Variants in PPP2R2C observed in about 807,000 individuals in gnomAD.
PPP2R2C encodes protein phosphatase 2, regulatory subunit B, gamma.
A neutral mutation model predicts 45.3 loss-of-function variants in PPP2R2C; 10 were observed. That is an observed-to-expected ratio of 0.22 (90% confidence interval 0.14 to 0.37). PPP2R2C has a LOEUF of 0.37. PPP2R2C is among the 10% of genes least tolerant of loss of function. PPP2R2C has a pLI of 1.00. For synonymous variants in PPP2R2C, 257 were observed against 245.4 expected (o/e 1.05, Z -0.44); for missense variants, 308 against 619.7 (o/e 0.50, Z 5.34).
At chr4:6,548,875 G>T (rs1382214772) in intron 1 of PPP2R2C, among the ~76,000 whole-genome samples, 1 of 152,166 alleles carries the variant, frequency 6.6e-6, no homozygotes, top group Admixed American at 6.5e-5. Flanking sequence ...AGGGGGATCT[G>T]AGCCTCGCAC....
At chr4:6,474,846 C>A (rs1722083563), upstream of PPP2R2C, among the ~76,000 whole-genome samples, 1 of 151,694 alleles carries the variant, frequency 6.6e-6, no homozygotes, top group South Asian at 2.1e-4. Context: ...CCCTGCCCAC[C>A]CCCCACCTCC....
intron 1 of PPP2R2C, among the ~76,000 whole-genome samples, chr4:6,399,770 C>G (rs1297774364): frequency 6.6e-6 from 1 of 152,138 alleles, no homozygotes; most frequent in East Asian, 1.9e-4. Context: ...ATTAGGGGTT[C>G]AGGTGAGCTA....
intron 2 of PPP2R2C, among the ~76,000 whole-genome samples, chr4:6,514,524 G>A (rs1307542699): frequency 6.6e-6 from 1 of 151,752 alleles, no homozygotes; most frequent in African/African-American, 2.4e-5. Flanking sequence ...AGGGCCCTTG[G>A]TTTTTGTAGG....
chr4:6,544,219 G>C (rs1724901387), intron 1 of PPP2R2C, among the ~76,000 whole-genome samples: 1 of 152,208 alleles, frequency 6.6e-6, no homozygotes, highest in African/African-American at 2.4e-5. Context: ...CTGGATGGCA[G>C]ACCCCTTGCC....
In PPP2R2C at chr4:6,409,711, TA is replaced by T. The variant is rs1718027385; in HGVS notation, c.71-28618del. On this transcript the variant is annotated intron_variant, in intron 1 of 8. Coordinates refer to ENST00000382599, the MANE Select transcript of PPP2R2C (RefSeq NM_020416.4). The stretch of plus-strand genomic sequence containing the variant: ...CCCCATATCCCAGCCCTGGAGACAC[TA>T]AGGTTGGTCGGGGTTCAGGACTCAC... Among the ~76,000 whole-genome samples the T allele has an allele frequency of 2.6e-5, 4 of 152,230 alleles. No homozygotes were observed. The South Asian group carries it at 8.3e-4, about 32-fold the overall frequency.
chr4:6,529,915 A>T (rs1026268591), intron 2 of PPP2R2C, among the ~76,000 whole-genome samples: 8 of 152,178 alleles, frequency 5.3e-5, no homozygotes, highest in Non-Finnish European at 1.2e-4. Context: ...ACAGCAGCGA[A>T]TGGGAGGAGA....
intron 2 of PPP2R2C, among the ~76,000 whole-genome samples, chr4:6,490,780 G>A (rs1305216481): frequency 1.1e-4 from 17 of 152,190 alleles, no homozygotes; most frequent in Admixed American, 1.1e-3. Context: ...GAGAAGCCGA[G>A]GTTGCAGCCC....
rs1480045419 is a variant in PPP2R2C at position 6,321,052 on chromosome 4, G to A, written c.*2250C>T. 2.0e-5 allele frequency: 3 copies of A among 152,160 alleles called. No individual in the cohort carries two copies. Among genetic ancestry groups the A allele is most frequent in the African/African-American group, 7.2e-5 (3 of 41,418 alleles). 9.4% of individuals were successfully genotyped at this position (152,160 alleles called of 1,614,324 possible). ...CAGAGACATACTTTTCTTCAAAGAA[G>A]ATCTTTTCCTTTCTTTTTTCTTCTT... On this transcript the variant is annotated 3_prime_UTR_variant, in exon 9 of 9. Transcript: ENST00000382599.
chr4:6,433,313 G>T (rs1359332642), intron 1 of PPP2R2C, among the ~76,000 whole-genome samples: 1 of 152,170 alleles, frequency 6.6e-6, no homozygotes, highest in Non-Finnish European at 1.5e-5. Flanking sequence ...GACATATCTG[G>T]ATATTGGCAA....
intron 4 of PPP2R2C, 101 bp downstream of exon 4, chr4:6,375,718 C>A (rs1223845864): frequency 2.9e-6 from 3 of 1,029,740 alleles, no homozygotes; most frequent in Non-Finnish European, 4.4e-6. Context: ...CAACCAGGGT[C>A]TGCACCTGAC....
At chr4:6,355,993 G>GATAAAAAA (rs1713144710) in intron 5 of PPP2R2C, among the ~76,000 whole-genome samples, 2 of 97,904 alleles carry the variant, frequency 2.0e-5, no homozygotes, top group Admixed American at 2.5e-4. Context: ...ACTCTGCCTG[G>GATAAAAAA]AAAAAAAAAA....
chr4:6,462,605 G>A (rs1721384532), intron 1 of PPP2R2C, among the ~76,000 whole-genome samples: 1 of 152,216 alleles, frequency 6.6e-6, no homozygotes, highest in African/African-American at 2.4e-5. Context: ...CAGGACTTTG[G>A]ATCCTGGGCC....
intron 1 of PPP2R2C, among the ~76,000 whole-genome samples, chr4:6,551,190 C>T (rs1343004732): frequency 6.6e-6 from 1 of 152,200 alleles, no homozygotes; most frequent in Non-Finnish European, 1.5e-5. Flanking sequence ...ACCTGCCTTC[C>T]AGGGGGATTG....
intron 1 of PPP2R2C, among the ~76,000 whole-genome samples, chr4:6,470,751 C>T (rs1453846377): frequency 6.6e-6 from 1 of 152,258 alleles, no homozygotes; most frequent in Non-Finnish European, 1.5e-5. Context: ...TCTCAGCTCC[C>T]CGGGCCTCCC....
At chr4:6,420,969 A>C (rs1718921096) in intron 1 of PPP2R2C, 1 of 985,152 alleles carries the variant, frequency 1.0e-6, no homozygotes, top group South Asian at 4.7e-5. Flanking sequence ...GAAGGGCAGC[A>C]GCCAAGAGCT....
chr4:6,481,658 A>G (rs1039470964), intron 2 of PPP2R2C, among the ~76,000 whole-genome samples: 2 of 152,168 alleles, frequency 1.3e-5, no homozygotes, highest in Admixed American at 1.3e-4. Context: ...TTCCTATGCA[A>G]ATTTTCAGTT....
chr4:6,454,764 A>G (rs1720926849), intron 1 of PPP2R2C, among the ~76,000 whole-genome samples: 1 of 152,176 alleles, frequency 6.6e-6, no homozygotes, highest in Non-Finnish European at 1.5e-5. Context: ...CCTGGGACTC[A>G]ACCTCTCTGA....
Position 6,375,800 on chromosome 4 carries a change from C to G in PPP2R2C, c.447+19G>C. 6.4e-7 allele frequency: 1 copy of G among 1,567,934 alleles called. No homozygotes were observed. Among genetic ancestry groups the G allele is most frequent in the African/African-American group, 1.4e-5 (1 of 73,326 alleles). On this transcript the variant is annotated intron_variant, in intron 4 of 8. Transcript: ENST00000382599. ...GTAATAAAGAGGCGTGTGCCTGCTT[C>G]CCCCTCACCGGAGCTCACCTGCAGT...
intron 8 of PPP2R2C, 84 bp from the exon 9 acceptor site, chr4:6,323,677 C>T: frequency 7.3e-7 from 1 of 1,367,510 alleles, no homozygotes; most frequent in Non-Finnish European, 9.6e-7. Context: ...GGCTCACGCC[C>T]ATAATCCCAG....
Sources: gnomAD v4.1 joint callset for allele counts (sites outside exome capture counted in the v4.1 genomes callset) on GRCh38, gnomAD v4.1.1 for gene constraint, MANE v1.5 for transcripts, NCBI Gene and HGNC (gene_info 2026-07-23, HGNC 2026-07-21) for gene names.